Variants in MCTP1 observed in about 807,000 individuals in gnomAD.
The protein encoded by MCTP1 is multiple C2 and transmembrane domain containing 1.
MCTP1 carries 69 observed loss-of-function variants against 120.6 expected under a neutral mutation model. The ratio of observed to expected loss-of-function variants is 0.57; its 90% CI spans 0.47 to 0.70. MCTP1 has a LOEUF of 0.70. Among genes scored for constraint, MCTP1 ranks in the 30% least tolerant of loss-of-function variants. The pLI is 0.00. For missense variants in MCTP1, 1,203 were observed against 1,248.8 expected (o/e 0.96, Z 0.55); for synonymous variants, 529 against 493.1 (o/e 1.07, Z -0.96).
At chr5:94,795,294 G>C (rs1779777211) in intron 18 of MCTP1, among the ~76,000 whole-genome samples, 1 of 152,148 alleles carries the variant, frequency 6.6e-6, no homozygotes, top group Admixed American at 6.5e-5. Flanking sequence ...CGACTTAGGA[G>C]GATCCAACCC....
intron 2 of MCTP1, among the ~76,000 whole-genome samples, chr5:95,016,471 G>A (rs1365052343): frequency 6.6e-6 from 1 of 151,760 alleles, no homozygotes; most frequent in Non-Finnish European, 1.5e-5. Flanking sequence ...CCCTAATCTG[G>A]TTCCTTCTAT....
At chr5:95,081,647 AAAGT>A in intron 1 of MCTP1, 1 of 1,329,750 alleles carries the variant, frequency 7.5e-7, no homozygotes, top group Non-Finnish European at 9.6e-7. Context: ...ACTTGGAATG[AAAGT>A]AAGAAGAACC....
chr5:95,090,601 TC>T (rs1332148168), intron 1 of MCTP1, among the ~76,000 whole-genome samples: 1 of 152,144 alleles, frequency 6.6e-6, no homozygotes, highest in African/African-American at 2.4e-5. Context: ...CTGACGTTGC[TC>T]CTCTCTACTC....
At position 95,113,247 on chromosome 5, in the gene MCTP1, G is replaced by A. The variant is rs190824762; in HGVS notation, c.721-95763C>T. 1.1e-3 allele frequency among the ~76,000 whole-genome samples: 170 copies of A among 151,954 alleles called. 1 individual carries two copies. Among genetic ancestry groups the A allele is most frequent in the Non-Finnish European group, 1.0e-3 (71 of 67,982 alleles). On this transcript the variant is annotated intron_variant, in intron 1 of 22. Coordinates refer to ENST00000515393, the MANE Select transcript of MCTP1 (RefSeq NM_024717.7). Reference sequence around the variant, plus strand: ...AGACAAATAGAAGGCTCCACCAATCGTCCACCCGCCCAGGAAGAACACCAA... The same window carrying A: ...AGACAAATAGAAGGCTCCACCAATCATCCACCCGCCCAGGAAGAACACCAA...
At chr5:95,136,336 G>A (rs916612153) in intron 1 of MCTP1, among the ~76,000 whole-genome samples, 2 of 152,120 alleles carry the variant, frequency 1.3e-5, no homozygotes, top group African/African-American at 4.8e-5. Context: ...CCTTTGGGCT[G>A]GTCTCTTAAG....
At chr5:94,886,926 A>T (rs1179300138) in intron 12 of MCTP1, among the ~76,000 whole-genome samples, 1 of 152,200 alleles carries the variant, frequency 6.6e-6, no homozygotes, top group East Asian at 1.9e-4. Context: ...AATTATTTTT[A>T]AAATTGGTAG....
intron 1 of MCTP1, among the ~76,000 whole-genome samples, chr5:95,140,662 C>T (rs2152437555): frequency 7.7e-6 from 1 of 130,056 alleles, no homozygotes; most frequent in Middle Eastern, 5.3e-3. Flanking sequence ...TCGAGACCAT[C>T]CTGGCTAACA....
intron 1 of MCTP1, among the ~76,000 whole-genome samples, chr5:95,040,037 C>T (rs1361901825): frequency 2.6e-5 from 4 of 152,106 alleles, no homozygotes; most frequent in Non-Finnish European, 5.9e-5. Flanking sequence ...TCTTAGTAAC[C>T]AGTATTCACT....
At chr5:94,910,057 C>T (rs1251673100) in intron 9 of MCTP1, among the ~76,000 whole-genome samples, 1 of 151,840 alleles carries the variant, frequency 6.6e-6, no homozygotes, top group Non-Finnish European at 1.5e-5. Flanking sequence ...CTTCGGGACT[C>T]TTCCCCCAAA....
At chr5:94,714,488 A>G (rs1167574072) in intron 20 of MCTP1, among the ~76,000 whole-genome samples, 1 of 152,140 alleles carries the variant, frequency 6.6e-6, no homozygotes, top group Non-Finnish European at 1.5e-5. Flanking sequence ...TTTAAGAACA[A>G]AGTCTTTCAC....
rs1470494431 is a variant in MCTP1 at position 95,044,914 on chromosome 5, G to T, written c.721-27430C>A. On this transcript the variant is annotated intron_variant, in intron 1 of 22. Transcript: ENST00000515393. ...TTTGCTCTTATTCCTCTTAAATTCA[G>T]TCTCCCACAAGCAGCTGAAGTGATC... Among the ~76,000 whole-genome samples the T allele has an allele frequency of 2.0e-5, 3 of 151,864 alleles. No homozygotes were observed. In the East Asian group the frequency reaches 5.8e-4, roughly 29 times the overall value.
At chr5:94,886,713 T>C (rs887081644) in intron 12 of MCTP1, among the ~76,000 whole-genome samples, 5 of 152,212 alleles carry the variant, frequency 3.3e-5, no homozygotes, top group Non-Finnish European at 5.9e-5. Flanking sequence ...CTTTTCAAAC[T>C]ATTGCCTAAT....
At chr5:94,925,505 T>C (rs1219910835) in intron 6 of MCTP1, among the ~76,000 whole-genome samples, 3 of 151,850 alleles carry the variant, frequency 2.0e-5, no homozygotes, top group Non-Finnish European at 2.9e-5. Flanking sequence ...ACCTCCCGGG[T>C]TCACGCCATT....
At chr5:95,219,576 A>G (rs1753453560) in intron 1 of MCTP1, among the ~76,000 whole-genome samples, 1 of 152,120 alleles carries the variant, frequency 6.6e-6, no homozygotes, top group Non-Finnish European at 1.5e-5. Context: ...TTAGGTCTCC[A>G]CTGCTACGAC....
chr5:95,083,809 G>A (rs998027112), intron 1 of MCTP1, among the ~76,000 whole-genome samples: 1 of 152,146 alleles, frequency 6.6e-6, no homozygotes, highest in Non-Finnish European at 1.5e-5. Context: ...ATGTTCACTG[G>A]AGAATTACAG....
At chr5:95,038,570 G>A (rs149980536) in intron 1 of MCTP1, among the ~76,000 whole-genome samples, 1 of 152,242 alleles carries the variant, frequency 6.6e-6, no homozygotes, top group African/African-American at 2.4e-5. Context: ...TGGATGGAGA[G>A]GGAAAGAGTA....
intron 18 of MCTP1, among the ~76,000 whole-genome samples, chr5:94,780,684 T>C (rs1776382829): frequency 6.6e-6 from 1 of 152,166 alleles, no homozygotes; most frequent in Non-Finnish European, 1.5e-5. Flanking sequence ...AAAGATGGAC[T>C]CTTGACAGTC....
At chr5:95,113,134 T>C (rs548996191) in intron 1 of MCTP1, among the ~76,000 whole-genome samples, 8 of 152,172 alleles carry the variant, frequency 5.3e-5, no homozygotes, top group African/African-American at 1.9e-4. Flanking sequence ...CTGAGTACCA[T>C]GCACATGCAT....
chr5:94,958,923 G>A (rs946811563), intron 2 of MCTP1, among the ~76,000 whole-genome samples: 2 of 152,088 alleles, frequency 1.3e-5, no homozygotes, highest in Non-Finnish European at 2.9e-5. Context: ...CATTTTATGA[G>A]GCCAGCATCA....
Sources: allele counts gnomAD v4.1 joint callset (sites outside exome capture counted in the v4.1 genomes callset), GRCh38; gene constraint gnomAD v4.1.1; transcripts MANE v1.5; gene names NCBI Gene and HGNC (gene_info 2026-07-23, HGNC 2026-07-21).